The following TSHZ2 variants were observed in gnomAD, a reference collection of about 807,000 sequenced individuals.
TSHZ2 encodes teashirt zinc finger homeobox 2.
TSHZ2 carries 21 observed loss-of-function variants against 74.4 expected under a neutral mutation model. The observed-to-expected ratio is 0.28, with a 90% CI of 0.20 to 0.41. The LOEUF (loss-of-function observed/expected upper bound fraction) is 0.41, where lower values mean the gene tolerates loss of function less well. Among genes scored for constraint, TSHZ2 ranks in the 10% least tolerant of loss-of-function variants. The probability of loss-of-function intolerance (pLI) is 1.00; values close to 1 mark genes in which losing one functional copy is unlikely to be tolerated. For synonymous variants in TSHZ2, 540 were observed against 515.3 expected, an observed-to-expected ratio of 1.05 and a Z score of -0.65; for missense variants, 1,244 against 1,293.5, an observed-to-expected ratio of 0.96 and a Z score of 0.59.
At chr20:53,001,742 G>A (rs1982448978) in intron 1 of TSHZ2, among the ~76,000 whole-genome samples, 2 of 151,616 alleles carry the variant, frequency 1.3e-5, no homozygotes, top group African/African-American at 4.8e-5. Context: ...TAAAACACTT[G>A]TTTAAAAGTG....
rs1428500111 is a variant in TSHZ2 at position 53,256,989 on chromosome 20, G to A, written c.*8+418G>A. On this transcript the variant is annotated intron_variant, in intron 2 of 2. Coordinates refer to ENST00000371497, the MANE Select transcript of TSHZ2 (RefSeq NM_173485.6). The surrounding 1 kb of genome is among the most constrained non-coding windows in gnomAD (Gnocchi z 4.3). ...CCAATGACTTATAAAGTGACAAAAA[G>A]TTGAGCAATGGAAGAAAGATTGGAG... Among the ~76,000 whole-genome samples the A allele has an allele frequency of 1.3e-5, 2 of 152,166 alleles. No homozygotes were observed. The highest frequency in any genetic ancestry group is 4.8e-5 in the African/African-American group (2 of 41,436).
intron 2 of TSHZ2, among the ~76,000 whole-genome samples, chr20:53,349,789 C>G (rs375443126): frequency 1.3e-5 from 2 of 152,104 alleles, no homozygotes; most frequent in Admixed American, 6.5e-5. Flanking sequence ...TTCTTATATT[C>G]TTATTACTGT....
chr20:53,297,346 A>C (rs10439556), intron 2 of TSHZ2, among the ~76,000 whole-genome samples: 49,919 of 149,164 alleles, frequency 0.33, 8,262 homozygotes, highest in Non-Finnish European at 0.35. Context: ...ACCTCCCAGG[A>C]TCAGGCGATC....
Position 53,492,297 on chromosome 20 carries a change from A to C in TSHZ2, c.*5162A>C, listed in dbSNP as rs1173802659. The C allele has an allele frequency of 6.6e-6, 1 of 152,218 alleles. No homozygotes were observed. Among genetic ancestry groups the C allele is most frequent in the Non-Finnish European group, 1.5e-5 (1 of 68,040 alleles). The allele number at this position is 152,218 out of a possible 1,614,324, so 9.4% of individuals were successfully genotyped here. On this transcript the variant is annotated 3_prime_UTR_variant, in exon 3 of 3. Coordinates refer to ENST00000371497, the MANE Select transcript of TSHZ2 (RefSeq NM_173485.6). ...CCCATATAACATTCAGGAATTATAG[A>C]TGTGTATGTATATTTTTTAAGTACA...
At chr20:53,141,442 A>G (rs886454119) in intron 1 of TSHZ2, among the ~76,000 whole-genome samples, 1 of 152,214 alleles carries the variant, frequency 6.6e-6, no homozygotes, top group Non-Finnish European at 1.5e-5. Flanking sequence ...TTAATGAGAA[A>G]TTCTTGTCTT....
chr20:53,029,446 C>T (rs925357043), intron 1 of TSHZ2, among the ~76,000 whole-genome samples: 22 of 152,242 alleles, frequency 1.4e-4, no homozygotes, highest in African/African-American at 4.3e-4. Flanking sequence ...GAGGCTGAGG[C>T]GGGCAGATTA....
At chr20:53,000,108 G>T (rs1982356970) in intron 1 of TSHZ2, among the ~76,000 whole-genome samples, 1 of 152,180 alleles carries the variant, frequency 6.6e-6, no homozygotes. Context: ...TTCAGAGAAG[G>T]TTCAAGTAAG....
intron 2 of TSHZ2, among the ~76,000 whole-genome samples, chr20:53,304,276 A>G (rs549718981): frequency 3.3e-4 from 48 of 146,412 alleles, no homozygotes; most frequent in African/African-American, 1.2e-3. Flanking sequence ...TTCTTGTAGT[A>G]AACTTTTATT....
At chr20:53,355,901 C>T (rs1980827832) in intron 2 of TSHZ2, among the ~76,000 whole-genome samples, 1 of 152,176 alleles carries the variant, frequency 6.6e-6, no homozygotes, top group South Asian at 2.1e-4. Context: ...TGGGAGAGAA[C>T]ACTCCAGGCA....
intron 2 of TSHZ2, among the ~76,000 whole-genome samples, chr20:53,458,167 C>A (rs6097423): frequency 0.017 from 2,590 of 149,486 alleles, 79 homozygotes; most frequent in African/African-American, 0.062. Context: ...TGGTAGAATT[C>A]GGCTGTGAAT....
At chr20:53,066,153 T>G (rs78638020) in intron 1 of TSHZ2, among the ~76,000 whole-genome samples, 1 of 152,108 alleles carries the variant, frequency 6.6e-6, no homozygotes, top group East Asian at 1.9e-4. Flanking sequence ...AATGGCGGCC[T>G]AGGGGAGGTG....
intron 2 of TSHZ2, among the ~76,000 whole-genome samples, chr20:53,462,415 A>T (rs1014582100): frequency 6.6e-6 from 1 of 152,202 alleles, no homozygotes; most frequent in African/African-American, 2.4e-5. Context: ...TCAATGTAAG[A>T]ATTCGGTGGG....
intron 1 of TSHZ2, among the ~76,000 whole-genome samples, chr20:53,110,572 T>A (rs1046674744): frequency 1.3e-5 from 2 of 151,638 alleles, no homozygotes; most frequent in Non-Finnish European, 2.9e-5. Context: ...TAAAAAAAAA[T>A]GTTAAGAAGA....
intron 2 of TSHZ2, among the ~76,000 whole-genome samples, chr20:53,308,343 G>A (rs1002035661): frequency 2.6e-5 from 4 of 152,068 alleles, no homozygotes; most frequent in South Asian, 2.1e-4. Flanking sequence ...GTTCACACGC[G>A]GTCTGTGCAT....
intron 1 of TSHZ2, among the ~76,000 whole-genome samples, chr20:53,237,487 C>A (rs897997192): frequency 2.9e-5 from 4 of 138,136 alleles, no homozygotes; most frequent in African/African-American, 1.2e-4. Context: ...TGCTCTGTCT[C>A]TCTCTTTCTC....
intron 1 of TSHZ2, among the ~76,000 whole-genome samples, chr20:53,128,460 A>G (rs528291875): frequency 2.0e-5 from 3 of 152,256 alleles, no homozygotes; most frequent in Admixed American, 2.0e-4. Context: ...ATATTTTAAG[A>G]CAGTAGATTG....
chr20:53,003,377 G>A (rs1407096779), intron 1 of TSHZ2, among the ~76,000 whole-genome samples: 1 of 151,918 alleles, frequency 6.6e-6, no homozygotes, highest in Non-Finnish European at 1.5e-5. Context: ...GAAGCTCGAG[G>A]TATGAGCAGG....
At chr20:53,034,885 T>C (rs1159851854) in intron 1 of TSHZ2, among the ~76,000 whole-genome samples, 1 of 152,164 alleles carries the variant, frequency 6.6e-6, no homozygotes, top group Non-Finnish European at 1.5e-5. Flanking sequence ...ATGGAAACGA[T>C]TGGCAGGGTT....
At chr20:53,122,288 CAAAA>C (rs1314517744) in intron 1 of TSHZ2, among the ~76,000 whole-genome samples, 3 of 65,660 alleles carry the variant, frequency 4.6e-5, no homozygotes, top group South Asian at 5.2e-4. Flanking sequence ...ACCCCATCTA[CAAAA>C]AAAAAAAAAA....
Sources: allele counts gnomAD v4.1 joint callset (sites outside exome capture counted in the v4.1 genomes callset), GRCh38; gene constraint gnomAD v4.1.1; non-coding constraint Gnocchi (gnomAD v3.1); transcripts MANE v1.5; gene names NCBI Gene and HGNC (gene_info 2026-07-23, HGNC 2026-07-21).